CCSER1: variants seen among roughly 807,000 people sequenced by gnomAD.
The protein encoded by CCSER1 is coiled-coil serine rich protein 1, also known as serine-rich coiled-coil domain-containing protein 1.
In CCSER1, 41 loss-of-function variants were observed where a neutral mutation model predicts 82.0. The observed-to-expected ratio is 0.50, with a 90% CI of 0.39 to 0.65. The LOEUF (loss-of-function observed/expected upper bound fraction) is 0.65. Among genes scored for constraint, CCSER1 ranks in the 30% least tolerant of loss-of-function variants. The pLI, the probability that CCSER1 is intolerant of heterozygous loss-of-function variation, is 0.00. For missense variants in CCSER1, 1,119 were observed against 1,064.2 expected, an observed-to-expected ratio of 1.05 and a Z score of -0.72; for synonymous variants, 414 against 383.9, an observed-to-expected ratio of 1.08 and a Z score of -0.92.
At chr4:90,580,915 G>A (rs576361623) in intron 5 of CCSER1, among the ~76,000 whole-genome samples, 27 of 152,194 alleles carry the variant, frequency 1.8e-4, no homozygotes, top group Non-Finnish European at 3.2e-4. Flanking sequence ...GAATCCATGG[G>A]GAAATTGAGT....
At chr4:91,401,354 ATATAC>A (rs916099021) in intron 10 of CCSER1, among the ~76,000 whole-genome samples, 129 of 148,308 alleles carry the variant, frequency 8.7e-4, no homozygotes, top group African/African-American at 3.0e-3. Flanking sequence ...TACTACATTG[ATATAC>A]TATATATTAT....
chr4:90,788,105 T>C (rs893338318), intron 7 of CCSER1, among the ~76,000 whole-genome samples: 3 of 152,194 alleles, frequency 2.0e-5, no homozygotes, highest in Admixed American at 2.0e-4. Context: ...CAATTTCTAA[T>C]ATTATCCTAT....
At chr4:90,756,779 T>G (rs1161903614) in intron 7 of CCSER1, among the ~76,000 whole-genome samples, 1 of 152,216 alleles carries the variant, frequency 6.6e-6, no homozygotes, top group East Asian at 1.9e-4. Flanking sequence ...TTCTAAAATA[T>G]CTAGCTAAGT....
At chr4:90,250,118 A>G (rs1722130461) in intron 1 of CCSER1, among the ~76,000 whole-genome samples, 1 of 151,998 alleles carries the variant, frequency 6.6e-6, no homozygotes, top group East Asian at 1.9e-4. Flanking sequence ...GAGGTCCTTA[A>G]AATATTATAG....
chr4:90,396,734 T>C (rs1390834259), intron 3 of CCSER1, among the ~76,000 whole-genome samples: 1 of 152,186 alleles, frequency 6.6e-6, no homozygotes, highest in Non-Finnish European at 1.5e-5. Context: ...AATTTTTTTC[T>C]TAGGTGAATT....
intron 3 of CCSER1, among the ~76,000 whole-genome samples, chr4:90,338,638 G>T (rs887099962): frequency 6.6e-6 from 1 of 152,116 alleles, no homozygotes; most frequent in Non-Finnish European, 1.5e-5. Context: ...TGAATTGACT[G>T]CTTTCTAGCT....
chr4:90,270,054 C>G (rs1221681362), intron 1 of CCSER1, among the ~76,000 whole-genome samples: 5 of 151,864 alleles, frequency 3.3e-5, no homozygotes, highest in Non-Finnish European at 7.4e-5. Flanking sequence ...AAGAAAAGCC[C>G]AAGACCCAAT....
At chr4:91,225,974 T>C (rs952078363) in intron 10 of CCSER1, among the ~76,000 whole-genome samples, 10 of 151,916 alleles carry the variant, frequency 6.6e-5, no homozygotes, top group Admixed American at 2.6e-4. Context: ...AATTTGTAAG[T>C]TGACAGACAA....
chr4:90,691,615 T>C (rs965516739), intron 6 of CCSER1, among the ~76,000 whole-genome samples: 5 of 142,770 alleles, frequency 3.5e-5, no homozygotes, highest in Non-Finnish European at 6.3e-5. Flanking sequence ...ATATCACATG[T>C]ATATATGTGT....
intron 1 of CCSER1, among the ~76,000 whole-genome samples, chr4:90,168,641 T>G (rs2153373502): frequency 6.6e-6 from 1 of 152,316 alleles, no homozygotes; most frequent in South Asian, 2.1e-4. Context: ...CCACCTTGAC[T>G]TAATTTTTGT....
At chr4:91,399,893 TA>T (rs1752216019) in intron 10 of CCSER1, among the ~76,000 whole-genome samples, 1 of 152,046 alleles carries the variant, frequency 6.6e-6, no homozygotes, top group Non-Finnish European at 1.5e-5. Context: ...TTTTCTGTTC[TA>T]AAGTATGTTT....
At chr4:91,203,138 C>G (rs1428088117) in intron 10 of CCSER1, among the ~76,000 whole-genome samples, 3 of 151,764 alleles carry the variant, frequency 2.0e-5, no homozygotes, top group Non-Finnish European at 4.4e-5. Context: ...CCTATTTCTC[C>G]ACATCCTCTC....
At chr4:90,603,869 A>T (rs1292938216) in intron 5 of CCSER1, among the ~76,000 whole-genome samples, 1 of 152,146 alleles carries the variant, frequency 6.6e-6, no homozygotes, top group Admixed American at 6.5e-5. Context: ...TCCTTCATGG[A>T]CACTGACTCA....
At chr4:90,630,918 G>T (rs1242076206) in intron 6 of CCSER1, among the ~76,000 whole-genome samples, 1 of 146,230 alleles carries the variant, frequency 6.8e-6, no homozygotes, top group African/African-American at 2.5e-5. Flanking sequence ...ATTTGAGATG[G>T]AGTCTCGCTC....
At chr4:90,640,795 C>A (rs1009359909) in intron 6 of CCSER1, among the ~76,000 whole-genome samples, 1 of 152,122 alleles carries the variant, frequency 6.6e-6, no homozygotes, top group Non-Finnish European at 1.5e-5. Context: ...GAAGAAGGTG[C>A]CTTGCTTCCC....
chr4:90,286,134 G>T (rs554261114), intron 1 of CCSER1, among the ~76,000 whole-genome samples: 1 of 152,062 alleles, frequency 6.6e-6, no homozygotes, highest in South Asian at 2.1e-4. Flanking sequence ...TGGTATTGGG[G>T]TAATACTGGC....
At chr4:90,789,754 T>C (rs1667434220) in intron 7 of CCSER1, among the ~76,000 whole-genome samples, 1 of 152,184 alleles carries the variant, frequency 6.6e-6, no homozygotes, top group African/African-American at 2.4e-5. Flanking sequence ...CCTCCTTGCC[T>C]TCTACCATGA....
At chr4:91,079,023 A>T (rs1722365494) in intron 9 of CCSER1, among the ~76,000 whole-genome samples, 1 of 152,218 alleles carries the variant, frequency 6.6e-6, no homozygotes, top group South Asian at 2.1e-4. Context: ...CATCCAGGAG[A>T]ACTTCCCCAA....
At chr4:90,552,953 A>T (rs1458257450) in intron 5 of CCSER1, among the ~76,000 whole-genome samples, 1 of 151,868 alleles carries the variant, frequency 6.6e-6, no homozygotes, top group East Asian at 1.9e-4. Flanking sequence ...TTAACAATTC[A>T]TAAATGGTCA....
Sources: allele counts gnomAD v4.1 joint callset (sites outside exome capture counted in the v4.1 genomes callset), GRCh38; gene constraint gnomAD v4.1.1; transcripts MANE v1.5; gene names NCBI Gene and HGNC (gene_info 2026-07-23, HGNC 2026-07-21).